RB1CC1: variants seen among roughly 807,000 people sequenced by gnomAD.
RB1CC1 encodes RB1-inducible coiled-coil protein 1.
A neutral mutation model predicts 177.5 loss-of-function variants in RB1CC1; 46 were observed. The ratio of observed to expected loss-of-function variants is 0.26; its 90% CI spans 0.20 to 0.33. RB1CC1 has a LOEUF of 0.33. Among genes scored for constraint, RB1CC1 ranks in the 10% least tolerant of loss-of-function variants. The probability of loss-of-function intolerance (pLI) is 1.00; values close to 1 mark genes in which losing one functional copy is unlikely to be tolerated. For missense variants in RB1CC1, 1,703 were observed against 1,816.3 expected (o/e 0.94, Z 1.13); for synonymous variants, 666 against 613.6 (o/e 1.09, Z -1.26).
intron 15 of RB1CC1, among the ~76,000 whole-genome samples, chr8:52,650,519 A>C (rs1364521090): frequency 6.6e-6 from 1 of 152,186 alleles, no homozygotes; most frequent in Non-Finnish European, 1.5e-5. Context: ...CCAGATTACT[A>C]TCCAGTCTCC....
chr8:52,689,752 T>C (rs959086563), intron 1 of RB1CC1, among the ~76,000 whole-genome samples: 2 of 152,060 alleles, frequency 1.3e-5, no homozygotes, highest in Admixed American at 1.3e-4. Context: ...ATGGGGCAGT[T>C]TTCCACGCTT....
At chr8:52,648,978 T>G (rs902801561) in intron 15 of RB1CC1, among the ~76,000 whole-genome samples, 1 of 152,228 alleles carries the variant, frequency 6.6e-6, no homozygotes, top group African/African-American at 2.4e-5. Flanking sequence ...AAGTGACTAA[T>G]GTGTGGAGAG....
intron 12 of RB1CC1, 104 bp downstream of exon 12, chr8:52,660,492 T>C (rs142242843): frequency 1.3e-5 from 14 of 1,118,764 alleles, no homozygotes; most frequent in Non-Finnish European, 1.8e-5. Flanking sequence ...TGATTTTTTT[T>C]AAACCACAAC....
rs116273651 is a variant in RB1CC1 at position 52,702,960 on chromosome 8, T to G, written c.-167+11115A>C. Reference sequence around the variant, plus strand: ...AAGCATCTGTTGAATAAACAGGGTTTCATAAGCAAATGTACTCTTGGGGTT... The same window carrying G: ...AAGCATCTGTTGAATAAACAGGGTTGCATAAGCAAATGTACTCTTGGGGTT... On this transcript the variant is annotated intron_variant, in intron 1 of 23. Coordinates refer to ENST00000025008, the MANE Select transcript of RB1CC1 (RefSeq NM_014781.5). 3.0e-3 allele frequency among the ~76,000 whole-genome samples: 456 copies of G among 152,292 alleles called. 4 individuals carry two copies. The highest frequency in any genetic ancestry group is 0.011 in the African/African-American group (439 of 41,560).
At position 52,668,094 on chromosome 8, in the gene RB1CC1, T is replaced by A; in HGVS notation, c.1100A>T (p.Asp367Val). The part of the protein sequence containing the change: ...QNMKAIKGLE[D>V]RLYALDQMIA... ...CATCTGGTCCAGGGCGTAGAGCCGATCTTCAAGTCCTTTAATGGCTTTCAT... is the reference window on the plus strand; with the variant it reads ...CATCTGGTCCAGGGCGTAGAGCCGAACTTCAAGTCCTTTAATGGCTTTCAT... The change falls in exon 8 of 24, where the codon GAT (aspartate) becomes GTT (valine). Residue 367 changes from aspartate (D) to valine (V), a missense_variant. Around this residue, in one of 6 missense-constraint regions of RB1CC1, gnomAD observed 315 missense variants for 304.9 expected, o/e 1.03. Coordinates refer to ENST00000025008, the MANE Select transcript of RB1CC1 (RefSeq NM_014781.5). 6.2e-7 allele frequency: 1 copy of A among 1,614,188 alleles called. No individual in the cohort carries two copies. Among genetic ancestry groups the A allele is most frequent in the Admixed American group, 1.7e-5 (1 of 60,028 alleles).
chr8:52,668,090 C>A lies in RB1CC1; in HGVS notation c.1104G>T (p.Arg368=), dbSNP rs1852234481. 1 of 1,614,040 alleles carries A rather than the reference C, an allele frequency of 6.2e-7. No individual in the cohort carries two copies. The highest frequency in any genetic ancestry group is 1.3e-5 in the African/African-American group (1 of 74,938). Residue 368 remains arginine (R), a synonymous_variant, in exon 8 of 24, where the codon CGG becomes CGT. Transcript: ENST00000025008. ...CAATCATCTGGTCCAGGGCGTAGAG[C>A]CGATCTTCAAGTCCTTTAATGGCTT... The part of the protein sequence containing the change: ...NMKAIKGLED[R]LYALDQMIAS...
At chr8:52,711,554 G>C (rs1857064132) in intron 1 of RB1CC1, among the ~76,000 whole-genome samples, 1 of 152,190 alleles carries the variant, frequency 6.6e-6, no homozygotes, top group Admixed American at 6.5e-5. Flanking sequence ...TACATAGACA[G>C]ATATGTCTTT....
At chr8:52,677,645 CA>C (rs1563426388) in intron 5 of RB1CC1, among the ~76,000 whole-genome samples, 3 of 151,910 alleles carry the variant, frequency 2.0e-5, no homozygotes, top group Non-Finnish European at 4.4e-5. Flanking sequence ...GTTGTCCAGG[CA>C]AACTGTAAAA....
At position 52,623,287 on chromosome 8, in the gene RB1CC1, T is replaced by C. The variant is rs1403085100; in HGVS notation, c.*495A>G. The C allele has an allele frequency of 1.2e-5, 2 of 165,958 alleles. No homozygotes were observed. Among genetic ancestry groups the C allele is most frequent in the Admixed American group, 1.2e-4 (2 of 16,630 alleles). 10.3% of individuals were successfully genotyped at this position (165,958 alleles called of 1,614,324 possible). On this transcript the variant is annotated 3_prime_UTR_variant, in exon 24 of 24. Transcript: ENST00000025008. ...ATCTACTGAGGCAAACTCAAAATGATTATCAGCATGCAATAACACTCCTCT... is the reference window on the plus strand; with the variant it reads ...ATCTACTGAGGCAAACTCAAAATGACTATCAGCATGCAATAACACTCCTCT...
intron 5 of RB1CC1, among the ~76,000 whole-genome samples, chr8:52,681,503 T>C (rs1031638023): frequency 6.6e-6 from 1 of 152,164 alleles, no homozygotes; most frequent in Non-Finnish European, 1.5e-5. Flanking sequence ...TCCCGGACCA[T>C]GAAGAAATAT....
intron 18 of RB1CC1, among the ~76,000 whole-genome samples, chr8:52,636,760 G>A (rs568011346): frequency 3.3e-5 from 5 of 152,202 alleles, no homozygotes; most frequent in East Asian, 1.9e-4. Context: ...GTCAACCTGC[G>A]CATATGGTGA....
chr8:52,701,525 G>A (rs530124623), intron 1 of RB1CC1, among the ~76,000 whole-genome samples: 26 of 152,226 alleles, frequency 1.7e-4, no homozygotes, highest in East Asian at 7.7e-4. Flanking sequence ...ATACTGACCT[G>A]TTTTTGCTCA....
Position 52,676,580 on chromosome 8 carries a change from A to G in RB1CC1, c.370-9T>C. 1 of 1,591,374 alleles carries G rather than the reference A, an allele frequency of 6.3e-7. No homozygotes were observed. Among genetic ancestry groups the G allele is most frequent in the South Asian group, 1.1e-5 (1 of 87,606 alleles). On this transcript the variant is annotated splice_polypyrimidine_tract_variant and intron_variant, in intron 5 of 23. Transcript: ENST00000025008. The stretch of plus-strand genomic sequence containing the variant: ...GCAACTTCATACATTTCCTATATTG[A>G]AAAAGAATACAAAAGAAAGTAAAAG...
chr8:52,677,233 TA>T (rs1356200074), intron 5 of RB1CC1, among the ~76,000 whole-genome samples: 1 of 151,976 alleles, frequency 6.6e-6, no homozygotes, highest in Non-Finnish European at 1.5e-5. Context: ...GAGACAGATA[TA>T]AAAGTCACAA....
rs955007147 is a variant in RB1CC1 at position 52,660,996 on chromosome 8, A to G, written c.1557T>C (p.Ala519=). The part of the protein sequence containing the change: ...FIKHYREWAG[A]LVKDGKRLYE... The stretch of plus-strand genomic sequence containing the variant: ...ATAATCTCTTTCCATCTTTGACTAA[A>G]GCACCAGCCCACTAGAAGAGGAAAG... Residue 519 remains alanine (A), a synonymous_variant, in exon 11 of 24, where the codon GCT becomes GCC. Coordinates refer to ENST00000025008, the MANE Select transcript of RB1CC1 (RefSeq NM_014781.5). 6.2e-7 allele frequency: 1 copy of G among 1,613,592 alleles called. No homozygotes were observed. The highest frequency in any genetic ancestry group is 1.3e-5 in the African/African-American group (1 of 75,020).
chr8:52,639,348 A>G (rs1308202420), intron 18 of RB1CC1, among the ~76,000 whole-genome samples: 1 of 152,056 alleles, frequency 6.6e-6, no homozygotes, highest in Non-Finnish European at 1.5e-5. Context: ...TTGCTGGTAA[A>G]TATGCAAACT....
intron 21 of RB1CC1, among the ~76,000 whole-genome samples, chr8:52,628,460 T>C (rs1848543400): frequency 6.6e-6 from 1 of 152,172 alleles, no homozygotes. Context: ...AAAGCACCCA[T>C]TACAGTTTAT....
At position 52,657,194 on chromosome 8, in the gene RB1CC1, C is replaced by T. The variant is rs769017354; in HGVS notation, c.2635G>A (p.Asp879Asn). 1.9e-6 allele frequency: 3 copies of T among 1,601,344 alleles called. No homozygotes were observed. The highest frequency in any genetic ancestry group is 1.3e-5 in the African/African-American group (1 of 74,466). ...TCTTCAGTTTCCTTTATTAGTCCGT[C>T]AAGTTTACCTTCATATTCATTTTTT... ...SLKNEYEGKL[D>N]GLIKETEENE... is the part of the protein sequence containing the mutation. Residue 879 changes from aspartate (D) to asparagine (N), a missense_variant, in exon 15 of 24, where the codon GAC becomes AAC. Physicochemically the swap from Asp to Asn is conservative, Grantham distance 23. Coordinates refer to ENST00000025008, the MANE Select transcript of RB1CC1 (RefSeq NM_014781.5).
At chr8:52,713,595 G>A (rs538374213) in intron 1 of RB1CC1, among the ~76,000 whole-genome samples, 1 of 152,136 alleles carries the variant, frequency 6.6e-6, no homozygotes, top group African/African-American at 2.4e-5. Context: ...GTTCGGCCTC[G>A]GCCAAACTCC....
Sources: gnomAD v4.1 joint callset for allele counts (sites outside exome capture counted in the v4.1 genomes callset) on GRCh38, gnomAD v4.1.1 for gene constraint, gnomAD v4.1.1 regional missense constraint, MANE v1.5 for transcripts, NCBI Gene and HGNC (gene_info 2026-07-23, HGNC 2026-07-21) for gene names.